Variants in TYW1B observed in about 807,000 individuals in gnomAD.
The protein encoded by TYW1B is tRNA-yW synthesizing protein 1 homolog B.
TYW1B carries 73 observed loss-of-function variants against 86.9 expected under a neutral mutation model. The ratio of observed to expected loss-of-function variants is 0.84; its 90% CI spans 0.70 to 1.02. The LOEUF is 1.02. Among genes scored for constraint, TYW1B ranks in the 50% least tolerant of loss-of-function variants. The pLI is 0.00. For missense variants in TYW1B, 637 were observed against 827.4 expected (o/e 0.77, Z 2.82); for synonymous variants, 248 against 292.8 (o/e 0.85, Z 1.56).
chr7:72,576,957 T>G (rs1217315833), intron 13 of TYW1B, among the ~76,000 whole-genome samples: 1 of 151,972 alleles, frequency 6.6e-6, no homozygotes, highest in Non-Finnish European at 1.5e-5. Context: ...TAAAACCCCA[T>G]CGCTACTAAA....
intron 13 of TYW1B, among the ~76,000 whole-genome samples, chr7:72,611,008 C>T (rs1209512798): frequency 6.6e-6 from 1 of 152,160 alleles, no homozygotes; most frequent in African/African-American, 2.4e-5. Context: ...TTCCCTGCAA[C>T]CCTTCTCTTG....
intron 11 of TYW1B, among the ~76,000 whole-genome samples, chr7:72,652,204 G>A (rs1254216957): frequency 2.6e-5 from 4 of 151,608 alleles, no homozygotes; most frequent in Admixed American, 6.6e-5. Context: ...GTGAAACCCC[G>A]CCTCTACTAA....
At chr7:72,787,079 A>G (rs1554472593) in intron 6 of TYW1B, among the ~76,000 whole-genome samples, 1 of 152,052 alleles carries the variant, frequency 6.6e-6, no homozygotes, top group African/African-American at 2.4e-5. Flanking sequence ...ACATTTTTCA[A>G]AAGTAAGAAA....
intron 11 of TYW1B, among the ~76,000 whole-genome samples, chr7:72,652,928 G>A (rs1813100160): frequency 6.6e-6 from 1 of 152,124 alleles, no homozygotes; most frequent in Non-Finnish European, 1.5e-5. Flanking sequence ...ATGTGCAAAG[G>A]TGTACATAAA....
intron 11 of TYW1B, among the ~76,000 whole-genome samples, chr7:72,681,490 G>A (rs1183541542): frequency 6.6e-6 from 1 of 151,942 alleles, no homozygotes. Context: ...AGGAGTTAGG[G>A]AAGGCTGCCA....
chr7:72,803,283 C>T (rs1788437322), intron 5 of TYW1B, among the ~76,000 whole-genome samples: 1 of 151,972 alleles, frequency 6.6e-6, no homozygotes, highest in South Asian at 2.1e-4. Context: ...AAGGGCATGA[C>T]GGAGTGGGAA....
chr7:72,678,997 G>A (rs570989175), intron 11 of TYW1B, among the ~76,000 whole-genome samples: 175 of 152,174 alleles, frequency 1.1e-3, no homozygotes, highest in African/African-American at 4.1e-3. Flanking sequence ...AGCTTCTTGG[G>A]GGACTGAGGT....
intron 10 of TYW1B, among the ~76,000 whole-genome samples, chr7:72,702,399 T>C (rs185521556): frequency 1.3e-5 from 2 of 152,298 alleles, no homozygotes. Flanking sequence ...CTTTTTTATT[T>C]TCTTTTGAAA....
chr7:72,656,916 T>C (rs1813218473), intron 11 of TYW1B, among the ~76,000 whole-genome samples: 1 of 152,176 alleles, frequency 6.6e-6, no homozygotes, highest in African/African-American at 2.4e-5. Context: ...TCTGTCTCCA[T>C]GACCTAAACA....
intron 9 of TYW1B, among the ~76,000 whole-genome samples, chr7:72,714,300 G>GA (rs1786733902): frequency 2.0e-5 from 3 of 151,928 alleles, no homozygotes; most frequent in Non-Finnish European, 4.4e-5. Context: ...CTTCATACTG[G>GA]AATCACCTGA....
chr7:72,828,157 C>A lies in TYW1B; in HGVS notation c.-82G>T, dbSNP rs1788978625. Reference sequence around the variant, plus strand: ...CACTGGTACTGCGAGACGCACCGAGCTACCTCGCGGCGTTAGCGCCGTACC... The same window carrying A: ...CACTGGTACTGCGAGACGCACCGAGATACCTCGCGGCGTTAGCGCCGTACC... On this transcript the variant is annotated 5_prime_UTR_variant, in exon 1 of 14. Coordinates refer to ENST00000620995, the MANE Select transcript of TYW1B (RefSeq NM_001145440.3). 4.4e-6 allele frequency: 7 copies of A among 1,598,606 alleles called. No homozygotes were observed. Among genetic ancestry groups the A allele is most frequent in the South Asian group, 2.2e-5 (2 of 88,906 alleles).
chr7:72,695,126 T>A (rs1488537432), intron 10 of TYW1B, among the ~76,000 whole-genome samples: 2 of 152,210 alleles, frequency 1.3e-5, no homozygotes, highest in East Asian at 3.8e-4. Flanking sequence ...ACTTCAGGTA[T>A]GACAGCATCA....
intron 6 of TYW1B, among the ~76,000 whole-genome samples, chr7:72,794,831 T>G (rs1788279360): frequency 6.6e-6 from 1 of 151,756 alleles, no homozygotes; most frequent in Non-Finnish European, 1.5e-5. Flanking sequence ...TTTTTTTTTT[T>G]TTTTGAGACA....
chr7:72,703,014 A>ATTTTTTTT (rs1814516950), intron 10 of TYW1B, among the ~76,000 whole-genome samples: 1 of 49,006 alleles, frequency 2.0e-5, no homozygotes, highest in Admixed American at 2.2e-4. Context: ...ATATATATAT[A>ATTTTTTTT]TATATATATA....
intron 13 of TYW1B, among the ~76,000 whole-genome samples, chr7:72,591,904 A>G (rs1363637935): frequency 6.6e-6 from 1 of 151,998 alleles, no homozygotes; most frequent in Non-Finnish European, 1.5e-5. Context: ...GCTCACTGCA[A>G]CTTCCATCTC....
At chr7:72,706,786 T>C (rs1814626189) in intron 10 of TYW1B, among the ~76,000 whole-genome samples, 1 of 152,208 alleles carries the variant, frequency 6.6e-6, no homozygotes, top group Non-Finnish European at 1.5e-5. Context: ...TGACAACTTT[T>C]GCCAGATCAT....
intron 11 of TYW1B, among the ~76,000 whole-genome samples, chr7:72,636,347 A>C (rs1254774367): frequency 6.6e-6 from 1 of 152,198 alleles, no homozygotes; most frequent in African/African-American, 2.4e-5. Context: ...GAATAATTAC[A>C]AATTTTGGAA....
intron 11 of TYW1B, among the ~76,000 whole-genome samples, chr7:72,684,963 T>G (rs1265786555): frequency 1.3e-5 from 2 of 151,932 alleles, no homozygotes; most frequent in Non-Finnish European, 2.9e-5. Context: ...ATTTAAAAAA[T>G]TAGCCAAGTG....
intron 7 of TYW1B, among the ~76,000 whole-genome samples, chr7:72,761,693 G>A (rs1329407527): frequency 6.6e-6 from 1 of 151,704 alleles, no homozygotes; most frequent in Non-Finnish European, 1.5e-5. Context: ...TATGGATATG[G>A]AAAGAAATAG....
Sources: gnomAD v4.1 joint callset for allele counts (sites outside exome capture counted in the v4.1 genomes callset) on GRCh38, gnomAD v4.1.1 for gene constraint, MANE v1.5 for transcripts, NCBI Gene and HGNC (gene_info 2026-07-23, HGNC 2026-07-21) for gene names.